The following DNAH12 variants were observed in gnomAD, a reference collection of about 807,000 sequenced individuals.
DNAH12 encodes dynein axonemal heavy chain 12, also known as axonemal beta dynein heavy chain 12.
A neutral mutation model predicts 371.5 loss-of-function variants in DNAH12; 285 were observed. That is an observed-to-expected ratio of 0.77 (90% CI 0.70 to 0.85). The LOEUF is 0.85. Ranked by LOEUF, DNAH12 falls within the 40% of genes least tolerant of loss-of-function variation. The pLI, the probability that DNAH12 is intolerant of heterozygous loss-of-function variation, is 0.00. For missense variants in DNAH12, 3,611 were observed against 3,689.4 expected (o/e 0.98, Z 0.55); for synonymous variants, 1,200 against 1,213.0 (o/e 0.99, Z 0.22).
intron 11 of DNAH12, among the ~76,000 whole-genome samples, chr3:57,493,403 G>T (rs1165757213): frequency 6.6e-6 from 1 of 152,142 alleles, no homozygotes; most frequent in Non-Finnish European, 1.5e-5. Flanking sequence ...TGGAGGATGT[G>T]CATAAATTAT....
intron 45 of DNAH12, among the ~76,000 whole-genome samples, chr3:57,389,948 G>A (rs2063580329): frequency 6.7e-6 from 1 of 149,042 alleles, no homozygotes; most frequent in Admixed American, 6.7e-5. Context: ...CAATTCTCCT[G>A]CCTCAGCCTC....
At chr3:57,477,632 T>A (rs1395660703) in intron 13 of DNAH12, among the ~76,000 whole-genome samples, 2 of 152,092 alleles carry the variant, frequency 1.3e-5, no homozygotes, top group Non-Finnish European at 2.9e-5. Context: ...CCTCCTCAAG[T>A]GGGTCCCTGA....
intron 2 of DNAH12, among the ~76,000 whole-genome samples, chr3:57,524,454 A>C (rs2068564355): frequency 6.6e-6 from 1 of 152,126 alleles, no homozygotes; most frequent in Non-Finnish European, 1.5e-5. Flanking sequence ...TTTCTCTTTA[A>C]ATTAAGTTGT....
At chr3:57,435,474 C>A (rs2065093303) in intron 30 of DNAH12, among the ~76,000 whole-genome samples, 1 of 151,448 alleles carries the variant, frequency 6.6e-6, no homozygotes, top group African/African-American at 2.4e-5. Context: ...CTCCACAAAG[C>A]CTGATAAGGT....
intron 2 of DNAH12, among the ~76,000 whole-genome samples, chr3:57,542,383 A>T (rs1160286853): frequency 6.6e-6 from 1 of 152,200 alleles, no homozygotes; most frequent in East Asian, 1.9e-4. Context: ...ACCAGGTCCA[A>T]ATCCCAGCTG....
chr3:57,349,170 A>G (rs924751134), intron 60 of DNAH12, among the ~76,000 whole-genome samples: 7 of 152,208 alleles, frequency 4.6e-5, no homozygotes, highest in Non-Finnish European at 7.3e-5. Context: ...AGCTAAGGAC[A>G]TGAATACACA....
intron 62 of DNAH12, among the ~76,000 whole-genome samples, chr3:57,331,512 G>C (rs1329710244): frequency 3.9e-5 from 6 of 152,062 alleles, no homozygotes; most frequent in Non-Finnish European, 8.8e-5. Flanking sequence ...CAAGTACAAA[G>C]GTCTTTGGGA....
In DNAH12 at chr3:57,296,841, C is replaced by T; in HGVS notation, c.11532+6G>A. On this transcript the variant is annotated splice_donor_region_variant and intron_variant, in intron 71 of 73. Coordinates refer to ENST00000495027, the MANE Select transcript of DNAH12 (RefSeq NM_001366028.2). Reference sequence around the variant, plus strand: ...ATATACTGTTGACTTTAAGGAGTTACTATACCTCAAATTCATATCCTAGCA... The same window carrying T: ...ATATACTGTTGACTTTAAGGAGTTATTATACCTCAAATTCATATCCTAGCA... 3 of 1,551,338 alleles carry T rather than the reference C, an allele frequency of 1.9e-6. No homozygotes were observed. Among genetic ancestry groups the T allele is most frequent in the Non-Finnish European group, 2.6e-6 (3 of 1,146,862 alleles).
intron 62 of DNAH12, among the ~76,000 whole-genome samples, chr3:57,329,956 G>GA (rs1322828183): frequency 6.6e-6 from 1 of 151,868 alleles, no homozygotes; most frequent in Non-Finnish European, 1.5e-5. Flanking sequence ...AAAAACACAT[G>GA]AAAAAATGCT....
intron 60 of DNAH12, among the ~76,000 whole-genome samples, 156 bp downstream of exon 60, chr3:57,351,929 C>G (rs2062684941): frequency 6.6e-6 from 1 of 152,172 alleles, no homozygotes; most frequent in Non-Finnish European, 1.5e-5. Flanking sequence ...AACACCGATA[C>G]TATCGTAGAA....
intron 25 of DNAH12, among the ~76,000 whole-genome samples, chr3:57,447,768 G>T (rs1414446977): frequency 6.6e-6 from 1 of 151,976 alleles, no homozygotes; most frequent in Non-Finnish European, 1.5e-5. Context: ...CTGCCTCCTG[G>T]GCTCAAGCAA....
intron 2 of DNAH12, among the ~76,000 whole-genome samples, chr3:57,541,064 G>C (rs949529952): frequency 6.6e-6 from 1 of 150,916 alleles, no homozygotes; most frequent in African/African-American, 2.4e-5. Context: ...TTTTGAGATG[G>C]AGTCTCGTTT....
intron 25 of DNAH12, among the ~76,000 whole-genome samples, chr3:57,448,411 C>G (rs987168917): frequency 6.6e-6 from 1 of 151,650 alleles, no homozygotes; most frequent in Non-Finnish European, 1.5e-5. Context: ...AGACCTTCGC[C>G]CTGAGTGTTA....
intron 66 of DNAH12, among the ~76,000 whole-genome samples, chr3:57,313,394 T>C (rs1192958837): frequency 6.6e-6 from 1 of 152,128 alleles, no homozygotes; most frequent in African/African-American, 2.4e-5. Flanking sequence ...GGCTCACACC[T>C]GTAATCTCAG....
chr3:57,361,239 C>T (rs2062920544), intron 58 of DNAH12, among the ~76,000 whole-genome samples: 1 of 151,458 alleles, frequency 6.6e-6, no homozygotes, highest in South Asian at 2.1e-4. Flanking sequence ...ATCCCAGCTA[C>T]TCAGGAGTCC....
At chr3:57,452,291 A>G (rs576551292) in intron 25 of DNAH12, among the ~76,000 whole-genome samples, 7 of 152,316 alleles carry the variant, frequency 4.6e-5, no homozygotes, top group African/African-American at 1.4e-4. Flanking sequence ...ATTTACTTAC[A>G]TTAAAAAATT....
chr3:57,508,095 G>C (rs1354418665), intron 7 of DNAH12, among the ~76,000 whole-genome samples: 1 of 149,944 alleles, frequency 6.7e-6, no homozygotes, highest in Non-Finnish European at 1.5e-5. Context: ...GCTGAGGCAG[G>C]ATAATTGCTT....
chr3:57,520,551 T>G (rs1225157632), intron 4 of DNAH12, among the ~76,000 whole-genome samples: 1 of 151,718 alleles, frequency 6.6e-6, no homozygotes, highest in Non-Finnish European at 1.5e-5. Flanking sequence ...GACGCCATTC[T>G]CCTGCCTCAG....
In DNAH12 at chr3:57,405,818, AGT is replaced by A. The variant is rs1559622399; in HGVS notation, c.6409_6410del (p.Thr2137TyrfsTer8). The A allele has an allele frequency of 1.3e-6, 2 of 1,551,702 alleles. No homozygotes were observed. The highest frequency in any genetic ancestry group is 2.4e-5 in the East Asian group (1 of 40,922). On this transcript the variant is annotated frameshift_variant, in exon 41 of 74. Coordinates refer to ENST00000495027, the MANE Select transcript of DNAH12 (RefSeq NM_001366028.2). LOFTEE classifies it high-confidence loss of function. ...CCTCATGCACAAACAGACGGATCAT[AGT>A]GTGTTTGTTCGCCACGGCGTCTCTT... ...IERDAVANKH[T>X]MIRLFVHEVL...
Sources: allele counts gnomAD v4.1 joint callset (sites outside exome capture counted in the v4.1 genomes callset), GRCh38; gene constraint gnomAD v4.1.1; transcripts MANE v1.5; gene names NCBI Gene and HGNC (gene_info 2026-07-23, HGNC 2026-07-21).